Variants in PDCD6 observed in about 807,000 individuals in gnomAD.
The protein encoded by PDCD6 is programmed cell death 6, also known as programmed cell death protein 6.
In PDCD6, 12 loss-of-function variants were observed where a neutral mutation model predicts 28.3. The observed-to-expected ratio is 0.42, with a 90% CI of 0.27 to 0.69. PDCD6 has a LOEUF of 0.69. Among genes scored for constraint, PDCD6 ranks in the 30% least tolerant of loss-of-function variants. The pLI, the probability that PDCD6 is intolerant of heterozygous loss-of-function variation, is 0.22. For missense variants in PDCD6, 226 were observed against 269.9 expected (o/e 0.84, Z 1.14); for synonymous variants, 92 against 108.0 (o/e 0.85, Z 0.92).
intron 2 of PDCD6, among the ~76,000 whole-genome samples, chr5:282,742 G>C (rs1196455650): frequency 6.6e-6 from 1 of 151,984 alleles, no homozygotes; most frequent in Non-Finnish European, 1.5e-5. Context: ...TGGAACTGGA[G>C]ACCTGGAGAG....
chr5:276,783 G>A, intron 2 of PDCD6: 1 of 985,304 alleles, frequency 1.0e-6, no homozygotes, highest in Non-Finnish European at 1.2e-6. Context: ...AAACCACACT[G>A]AGAAGGTATT....
At chr5:281,373 T>G (rs188939652) in intron 2 of PDCD6, among the ~76,000 whole-genome samples, 112 of 152,226 alleles carry the variant, frequency 7.4e-4, no homozygotes, top group Non-Finnish European at 2.2e-4. Flanking sequence ...GAGGAGCCGG[T>G]GCTGCCTTTT....
intron 2 of PDCD6, among the ~76,000 whole-genome samples, chr5:274,119 A>G (rs1738030287): frequency 6.6e-6 from 1 of 152,192 alleles, no homozygotes. Context: ...CCTGTTAAAT[A>G]TGGTCAGATG....
chr5:276,038 T>C, intron 2 of PDCD6: 1 of 1,271,060 alleles, frequency 7.9e-7, no homozygotes, highest in Non-Finnish European at 1.0e-6. Context: ...CCCTTCAGGA[T>C]GCCAGCCTTG....
rs996410520 is a variant in PDCD6, at chr5:305,795, A to G, written c.209-807A>G. The G allele has an allele frequency of 6.6e-6, 1 of 152,264 alleles. No individual in the cohort carries two copies. Among genetic ancestry groups the G allele is most frequent in the Non-Finnish European group, 1.5e-5 (1 of 68,060 alleles). The allele number at this position is 152,264 out of a possible 1,614,324, so 9.4% of individuals were successfully genotyped here. A position where few individuals can be genotyped will look rare whatever the true frequency, so the allele number is the denominator to read the frequency against. ...TGAAAAACAGCCACTGGTTGCACACAGGGTTGTGGACTGTTGGGAAGAAAC... is the reference window on the plus strand; with the variant it reads ...TGAAAAACAGCCACTGGTTGCACACGGGGTTGTGGACTGTTGGGAAGAAAC... On this transcript the variant is annotated intron_variant, in intron 3 of 5. Transcript: ENST00000264933. The surrounding 1 kb of genome is among the most constrained non-coding windows in gnomAD (Gnocchi z 4.0).
chr5:278,411 T>C (rs1738340954), intron 2 of PDCD6, among the ~76,000 whole-genome samples: 1 of 151,432 alleles, frequency 6.6e-6, no homozygotes, highest in African/African-American at 2.4e-5. Context: ...CCAAGTACTG[T>C]AGAGAAAAAT....
In PDCD6 at chr5:311,408, G is replaced by A. The variant is rs200791638; in HGVS notation, c.477+6G>A. On this transcript the variant is annotated splice_donor_region_variant and intron_variant, in intron 5 of 5. Transcript: ENST00000264933. The stretch of plus-strand genomic sequence containing the variant: ...AGGGCTGCATCGTCCTGCAGGTGAC[G>A]GAATGGCTTCACGTGGGTTTGTGGT... The A allele has an allele frequency of 1.6e-5, 25 of 1,600,348 alleles. No homozygotes were observed. The highest frequency in any genetic ancestry group is 3.3e-5 in the Admixed American group (2 of 59,950).
At chr5:311,639 T>C (rs899386742) in intron 5 of PDCD6, 2 of 506,654 alleles carry the variant, frequency 3.9e-6, no homozygotes, top group African/African-American at 3.9e-5. Flanking sequence ...TTTTTCAGTA[T>C]CCGGTGGGTT....
intron 2 of PDCD6, among the ~76,000 whole-genome samples, chr5:301,366 C>T (rs1027544698): frequency 2.0e-5 from 3 of 152,200 alleles, no homozygotes; most frequent in Non-Finnish European, 4.4e-5. Flanking sequence ...TTGGGTGAGG[C>T]AGGGATGCTC....
At chr5:287,766 A>C (rs775372818) in intron 2 of PDCD6, among the ~76,000 whole-genome samples, 1 of 152,232 alleles carries the variant, frequency 6.6e-6, no homozygotes, top group Non-Finnish European at 1.5e-5. Context: ...TCAGTCATTT[A>C]GCTCAGGTAC....
chr5:273,970 T>A (rs28548929), intron 2 of PDCD6, among the ~76,000 whole-genome samples: 35,139 of 149,992 alleles, frequency 0.23, 6,467 homozygotes, highest in African/African-American at 0.52. Flanking sequence ...CAGTTCGTTT[T>A]TACTCGGGAA....
At chr5:288,780 G>C in intron 2 of PDCD6, 1 of 845,116 alleles carries the variant, frequency 1.2e-6, no homozygotes, top group Middle Eastern at 2.4e-4. Context: ...AGTTTTATAC[G>C]GCGTTAAAAC....
intron 4 of PDCD6, 157 bp from the exon 5 acceptor site, chr5:311,136 C>G: frequency 3.0e-6 from 2 of 663,414 alleles, no homozygotes; most frequent in Non-Finnish European, 5.5e-6. Flanking sequence ...GGAAGTGTCT[C>G]AGTTCTGAGT....
intron 2 of PDCD6, among the ~76,000 whole-genome samples, chr5:302,945 A>G (rs1177642749): frequency 6.6e-6 from 1 of 152,216 alleles, no homozygotes; most frequent in African/African-American, 2.4e-5. Context: ...GCTTCCCTGC[A>G]TAACTGCTGG....
At chr5:278,067 G>A (rs1738314237) in intron 2 of PDCD6, among the ~76,000 whole-genome samples, 1 of 152,118 alleles carries the variant, frequency 6.6e-6, no homozygotes, top group Non-Finnish European at 1.5e-5. Context: ...TTACTTGGTG[G>A]GCACCACCTG....
At chr5:299,244 C>A (rs35779193) in intron 2 of PDCD6, among the ~76,000 whole-genome samples, 13,412 of 47,900 alleles carry the variant, frequency 0.28, 2,930 homozygotes, top group Non-Finnish European at 0.42. Context: ...CCGCTGCTCC[C>A]CCCCAGCTGT....
At chr5:300,849 C>T (rs1740006027) in intron 2 of PDCD6, among the ~76,000 whole-genome samples, 1 of 152,142 alleles carries the variant, frequency 6.6e-6, no homozygotes, top group South Asian at 2.1e-4. Context: ...AACCTCTGCT[C>T]TCCTGGGCAA....
intron 4 of PDCD6, chr5:311,049 C>T: frequency 2.2e-6 from 1 of 457,244 alleles, no homozygotes; most frequent in East Asian, 4.2e-5. Context: ...CCCACTCACT[C>T]CTCCTTCCGG....
chr5:304,404 A>G (rs546231478), intron 3 of PDCD6, 183 bp downstream of exon 3: 32 of 865,198 alleles, frequency 3.7e-5, no homozygotes, highest in Non-Finnish European at 4.7e-5. Context: ...CTCTCCGTGT[A>G]TGTTTGCTCT....
Sources: gnomAD v4.1 joint callset for allele counts (sites outside exome capture counted in the v4.1 genomes callset) on GRCh38, gnomAD v4.1.1 for gene constraint, Gnocchi (gnomAD v3.1) non-coding constraint, MANE v1.5 for transcripts, NCBI Gene and HGNC (gene_info 2026-07-23, HGNC 2026-07-21) for gene names.